NCOR2: variants seen among roughly 807,000 people sequenced by gnomAD.
NCOR2 encodes the protein nuclear receptor corepressor 2.
NCOR2 carries 81 observed loss-of-function variants against 262.9 expected under a neutral mutation model. The ratio of observed to expected loss-of-function variants is 0.31; its 90% confidence interval spans 0.26 to 0.37. The LOEUF (loss-of-function observed/expected upper bound fraction) is 0.37, where lower values mean the gene tolerates loss of function less well. Ranked by LOEUF, NCOR2 falls within the 10% of genes least tolerant of loss-of-function variation. The pLI, the probability that NCOR2 is intolerant of heterozygous loss-of-function variation, is 1.00. For synonymous variants in NCOR2, 1,659 were observed against 1,559.3 expected (o/e 1.06, Z -1.51); for missense variants, 3,385 against 3,621.4 (o/e 0.93, Z 1.68).
chr12:124,507,455 G>A (rs549151862), intron 1 of NCOR2, among the ~76,000 whole-genome samples: 5 of 151,450 alleles, frequency 3.3e-5, no homozygotes, highest in Admixed American at 6.5e-5. Context: ...GGCTCAGGCT[G>A]CCCCCATAAA....
chr12:124,375,225 C>T (rs1327125175), intron 18 of NCOR2, among the ~76,000 whole-genome samples: 1 of 152,206 alleles, frequency 6.6e-6, no homozygotes, highest in African/African-American at 2.4e-5. Context: ...ATGTCATTCC[C>T]TTCCTTCCAC....
At chr12:124,391,752 T>C (rs894491309) in intron 16 of NCOR2, among the ~76,000 whole-genome samples, 3 of 152,218 alleles carry the variant, frequency 2.0e-5, no homozygotes, top group Admixed American at 6.5e-5. Context: ...ATAGGTACGA[T>C]GTGAAAAAGC....
rs528627518 is a variant in NCOR2 at position 124,453,308 on chromosome 12, G to A, written c.763-3441C>T. On this transcript the variant is annotated intron_variant, in intron 6 of 46. Transcript: ENST00000405201. The stretch of plus-strand genomic sequence containing the variant: ...CCTCACCCCCAGGCCTTATCCTCCC[G>A]GGAGAAATGACCCCTGGGGGGACTC... Among the ~76,000 whole-genome samples the A allele has an allele frequency of 4.1e-4, 63 of 152,308 alleles. No homozygotes were observed. In the South Asian group the frequency reaches 7.2e-3, roughly 18 times the overall value.
At chr12:124,338,505 C>CAAAA (rs575208388) in intron 37 of NCOR2, among the ~76,000 whole-genome samples, 2,365 of 87,638 alleles carry the variant, frequency 0.027, 32 homozygotes, top group African/African-American at 0.054. Context: ...ACAACTCCAT[C>CAAAA]AAAAAAAAAA....
chr12:124,479,341 CACAT>C (rs769320172), intron 3 of NCOR2, among the ~76,000 whole-genome samples: 6 of 149,484 alleles, frequency 4.0e-5, no homozygotes, highest in East Asian at 1.9e-4. Flanking sequence ...CACACAAACA[CACAT>C]ACACACGTGC....
upstream of NCOR2, among the ~76,000 whole-genome samples, chr12:124,497,345 G>A (rs955371288): frequency 1.3e-5 from 2 of 152,176 alleles, no homozygotes; most frequent in Admixed American, 6.5e-5. The surrounding 1 kb of genome is among the most constrained non-coding windows in gnomAD (Gnocchi z 4.2). Context: ...ATGGGAACAC[G>A]TCCCGCTCCA....
At chr12:124,364,546 A>C (rs1318893971) in intron 20 of NCOR2, among the ~76,000 whole-genome samples, 1 of 152,212 alleles carries the variant, frequency 6.6e-6, no homozygotes, top group Non-Finnish European at 1.5e-5. Flanking sequence ...TGCTACTGAG[A>C]TGCGCGACCA....
rs1254679077 is a variant in NCOR2 at position 124,389,023 on chromosome 12, C to T, written c.1877-3136G>A. ...CAGCGGCCGCTGCCACCTCTGACGC[C>T]GTCCCCAAGCCGCTGTGGGCGCGCG... On this transcript the variant is annotated intron_variant, in intron 16 of 46. Transcript: ENST00000405201. The surrounding 1 kb of genome is among the most constrained non-coding windows in gnomAD (Gnocchi z 4.4). Among the ~76,000 whole-genome samples the T allele has an allele frequency of 6.6e-6, 1 of 152,132 alleles. No homozygotes were observed. Among genetic ancestry groups the T allele is most frequent in the Non-Finnish European group, 1.5e-5 (1 of 67,992 alleles).
At chr12:124,348,058 C>A in intron 29 of NCOR2, 116 bp downstream of exon 31, 1 of 1,525,266 alleles carries the variant, frequency 6.6e-7, no homozygotes, top group East Asian at 2.4e-5. Context: ...TGCGCTACCT[C>A]CAGATGGAGC....
intron 20 of NCOR2, among the ~76,000 whole-genome samples, chr12:124,364,675 C>T (rs879454264): frequency 9.9e-5 from 15 of 152,188 alleles, no homozygotes; most frequent in African/African-American, 2.7e-4. Context: ...TCCCCAGCAC[C>T]GGGTATAGCA....
In NCOR2 at chr12:124,336,890, C is replaced by T. The variant is rs371285197; in HGVS notation, c.5978G>A (p.Arg1993His). 3.3e-5 allele frequency: 53 copies of T among 1,606,392 alleles called. No homozygotes were observed. In the Admixed American group the frequency reaches 3.5e-4, roughly 11 times the overall value. ...AGGTGCGAGGTTCTTCGCAGGGGTG[C>T]GGGCGATGGTGGCGTGGCCAGAGAC... Residue 1993 changes from arginine to histidine, a missense_variant, in exon 38 of 47, where the codon CGC becomes CAC. This residue lies in a region of NCOR2 where 1,017 missense variants were observed against 967.2 expected (regional missense o/e 1.05). Transcript: ENST00000405201.
chr12:124,370,668 T>A (rs1233717654), intron 20 of NCOR2, among the ~76,000 whole-genome samples: 1 of 152,198 alleles, frequency 6.6e-6, no homozygotes, highest in Non-Finnish European at 1.5e-5. Flanking sequence ...TGGGTAGCCA[T>A]CTTTGGTTCT....
At chr12:124,524,504 T>C (rs1184098837) in intron 1 of NCOR2, among the ~76,000 whole-genome samples, 1 of 152,196 alleles carries the variant, frequency 6.6e-6, no homozygotes, top group African/African-American at 2.4e-5. Flanking sequence ...GCTGGTGGCA[T>C]GAGCCTGTCT....
intron 13 of NCOR2, among the ~76,000 whole-genome samples, chr12:124,411,819 C>T (rs2042601744): frequency 6.6e-6 from 1 of 152,220 alleles, no homozygotes; most frequent in African/African-American, 2.4e-5. Context: ...ACCCAGCCTC[C>T]AGGCTCAAAA....
At chr12:124,468,999 C>T in intron 4 of NCOR2, among the ~76,000 whole-genome samples, 1 of 138,494 alleles carries the variant, frequency 7.2e-6, no homozygotes, top group Admixed American at 7.4e-5. Flanking sequence ...CTCATCACCC[C>T]CATCATCCTC....
intron 37 of NCOR2, 113 bp downstream of exon 39, chr12:124,339,893 G>GT: frequency 1.6e-5 from 9 of 566,002 alleles, no homozygotes; most frequent in South Asian, 4.1e-5. Context: ...CCACACATCT[G>GT]CCCACCCACC....
chr12:124,350,824 C>T (rs12582701), intron 27 of NCOR2, 87 bp from the exon 30 acceptor site: 24,223 of 1,436,168 alleles, frequency 0.017, 777 homozygotes, highest in East Asian at 0.12. Context: ...GCTTAAAAGC[C>T]CATGTGCCCA....
chr12:124,373,336 T>C (rs1794962), intron 19 of NCOR2, among the ~76,000 whole-genome samples: 376 of 23,118 alleles, frequency 0.016, 36 homozygotes, highest in African/African-American at 0.037. Context: ...CCAGTGCGTG[T>C]GCAGGGGCCC....
In NCOR2 at chr12:124,326,390, GA is replaced by G; in HGVS notation, c.7184-21del. 2 of 1,482,340 alleles carry G rather than the reference GA, an allele frequency of 1.3e-6. No individual in the cohort carries two copies. The highest frequency in any genetic ancestry group is 1.8e-6 in the Non-Finnish European group (2 of 1,122,236). The allele number at this position is 1,482,340 out of a possible 1,614,324, so 91.8% of individuals were successfully genotyped here. A position where few individuals can be genotyped will look rare whatever the true frequency, so the allele number is the denominator to read the frequency against. ...CGCCACCTGCAGGGGGACAAGATGG[GA>G]AGGGGCTGCGTTGGGCAGTGAAGAC... On this transcript the variant is annotated intron_variant, in intron 45 of 46. Coordinates refer to ENST00000405201, the Ensembl canonical transcript of NCOR2.
Sources: gnomAD v4.1 joint callset for allele counts (sites outside exome capture counted in the v4.1 genomes callset) on GRCh38, gnomAD v4.1.1 for gene constraint, gnomAD v4.1.1 regional missense constraint, Gnocchi (gnomAD v3.1) non-coding constraint, MANE v1.5 for transcripts, NCBI Gene and HGNC (gene_info 2026-07-23, HGNC 2026-07-21) for gene names.